The following RUNDC3B variants were observed in gnomAD, a reference collection of about 807,000 sequenced individuals.
RUNDC3B encodes the protein RUN domain-containing protein 3B.
A neutral mutation model predicts 58.4 loss-of-function variants in RUNDC3B; 33 were observed. The observed-to-expected ratio is 0.56, with a 90% CI of 0.43 to 0.75. The LOEUF (loss-of-function observed/expected upper bound fraction) is 0.75. RUNDC3B is among the 30% of genes least tolerant of loss of function. The pLI, the probability that RUNDC3B is intolerant of heterozygous loss-of-function variation, is 0.00. For missense variants in RUNDC3B, 501 were observed against 535.7 expected (o/e 0.94, Z 0.64); for synonymous variants, 193 against 195.2 (o/e 0.99, Z 0.10).
chr7:87,747,538 A>G (rs745341804), intron 6 of RUNDC3B, among the ~76,000 whole-genome samples: 1 of 152,122 alleles, frequency 6.6e-6, no homozygotes, highest in African/African-American at 2.4e-5. Context: ...GCGGGACCCT[A>G]GAACTCCCAA....
intron 2 of RUNDC3B, 26 bp downstream of exon 2, chr7:87,650,963 T>C (rs1823513061): frequency 7.6e-7 from 1 of 1,308,998 alleles, no homozygotes. Flanking sequence ...TACTATTTAT[T>C]TTCCCACCAG....
intron 8 of RUNDC3B, among the ~76,000 whole-genome samples, chr7:87,787,238 A>T (rs1278820944): frequency 1.3e-5 from 2 of 152,176 alleles, no homozygotes; most frequent in Non-Finnish European, 2.9e-5. Flanking sequence ...AATATGTTTT[A>T]TCCTTATCTT....
At chr7:87,745,337 G>A (rs1832587468) in intron 6 of RUNDC3B, among the ~76,000 whole-genome samples, 1 of 152,154 alleles carries the variant, frequency 6.6e-6, no homozygotes, top group South Asian at 2.1e-4. Context: ...TTCATAGAAT[G>A]TATTAGGGAA....
intron 2 of RUNDC3B, among the ~76,000 whole-genome samples, chr7:87,658,571 T>G (rs1328294460): frequency 6.6e-6 from 1 of 151,984 alleles, no homozygotes; most frequent in Non-Finnish European, 1.5e-5. Context: ...TCAAATAAAT[T>G]CATGCCAAAG....
intron 2 of RUNDC3B, among the ~76,000 whole-genome samples, chr7:87,674,450 A>C (rs988505312): frequency 6.6e-6 from 1 of 152,022 alleles, no homozygotes; most frequent in South Asian, 2.1e-4. Flanking sequence ...GAATAATGGC[A>C]GGGTACACTC....
intron 10 of RUNDC3B, among the ~76,000 whole-genome samples, chr7:87,822,243 T>G (rs1476314398): frequency 6.6e-6 from 1 of 152,136 alleles, no homozygotes; most frequent in Non-Finnish European, 1.5e-5. Flanking sequence ...GAACAGACAC[T>G]TCTCAAAAGA....
chr7:87,784,769 G>T (rs1439121221), intron 8 of RUNDC3B, among the ~76,000 whole-genome samples: 1 of 145,486 alleles, frequency 6.9e-6, no homozygotes, highest in Non-Finnish European at 1.5e-5. Context: ...ATGTTGTTGG[G>T]GGGTAGAAGA....
At chr7:87,676,139 G>A (rs1445006671) in intron 2 of RUNDC3B, among the ~76,000 whole-genome samples, 3 of 151,952 alleles carry the variant, frequency 2.0e-5, no homozygotes, top group African/African-American at 2.4e-5. Context: ...AGGCAGGAGG[G>A]TTGGTTGAAC....
intron 8 of RUNDC3B, among the ~76,000 whole-genome samples, chr7:87,789,904 C>G (rs1835431078): frequency 6.6e-6 from 1 of 152,158 alleles, no homozygotes; most frequent in African/African-American, 2.4e-5. Flanking sequence ...TGACTGCCAC[C>G]CTTGGCCCCT....
At chr7:87,829,230 G>A (rs1217773098) in intron 10 of RUNDC3B, among the ~76,000 whole-genome samples, 1 of 152,086 alleles carries the variant, frequency 6.6e-6, no homozygotes, top group African/African-American at 2.4e-5. Context: ...GTTGGATGCA[G>A]AGTTTACAAA....
intron 4 of RUNDC3B, among the ~76,000 whole-genome samples, chr7:87,725,425 C>A (rs893418680): frequency 1.2e-4 from 18 of 152,230 alleles, no homozygotes; most frequent in African/African-American, 4.3e-4. Flanking sequence ...TGAACTCATC[C>A]TTTTTTGTGG....
At chr7:87,739,994 G>A in intron 5 of RUNDC3B, 114 bp downstream of exon 5, 1 of 464,386 alleles carries the variant, frequency 2.2e-6, no homozygotes, top group Non-Finnish European at 3.8e-6. Flanking sequence ...ATTGTTATTT[G>A]ATTCATGTTG....
chr7:87,634,014 A>G (rs1023597965), intron 1 of RUNDC3B, among the ~76,000 whole-genome samples: 1 of 152,056 alleles, frequency 6.6e-6, no homozygotes, highest in African/African-American at 2.4e-5. Flanking sequence ...CATGGTGGAG[A>G]GAGTCAAAGG....
chr7:87,777,662 C>T (rs1834707987), intron 7 of RUNDC3B, 136 bp from the exon 8 acceptor site: 1 of 599,454 alleles, frequency 1.7e-6, no homozygotes, highest in Non-Finnish European at 2.8e-6. Context: ...AAATTTTTTA[C>T]TAATTTATCA....
rs772224503 is a variant in RUNDC3B, at chr7:87,759,633, C to CA, written c.630-10940dup. ...GTAATATAGTGAGACTCTGTGACTA[C>CA]AAAAAAAATTAAAAATTAGCCAGAT... is the stretch of plus-strand genomic sequence containing the variant. On this transcript the variant is annotated intron_variant, in intron 6 of 10. Transcript: ENST00000394654. Among the ~76,000 whole-genome samples the CA allele has an allele frequency of 5.8e-4, 88 of 151,288 alleles. No individual in the cohort carries two copies. In the East Asian group the frequency reaches 6.8e-3, roughly 12 times the overall value.
At chr7:87,674,372 G>C (rs1826119119) in intron 2 of RUNDC3B, among the ~76,000 whole-genome samples, 1 of 152,118 alleles carries the variant, frequency 6.6e-6, no homozygotes, top group Non-Finnish European at 1.5e-5. Context: ...GCAGGGGTGT[G>C]GTTGCTGGTA....
chr7:87,830,011 C>T lies in RUNDC3B; in HGVS notation c.1352C>T (p.Pro451Leu), dbSNP rs778631065. 1 of 1,597,394 alleles carries T rather than the reference C, an allele frequency of 6.3e-7. No individual in the cohort carries two copies. Residue 451 changes from proline (P) to leucine (L), a missense_variant, in exon 11 of 11, where the codon CCA becomes CTA. Pro to Leu is a moderately conservative substitution (Grantham distance 98). Transcript: ENST00000394654. ...LASPTTEMTS[P>L]GLTPS ...AGTCCTACAACAGAGATGACAAGTC[C>T]AGGCCTAACTCCATCCTGAAAATTT...
intron 2 of RUNDC3B, among the ~76,000 whole-genome samples, chr7:87,666,270 G>A (rs1825238365): frequency 6.6e-6 from 1 of 151,966 alleles, no homozygotes; most frequent in Non-Finnish European, 1.5e-5. Flanking sequence ...ATATGCTTGT[G>A]GGCCGTGTGT....
chr7:87,728,862 A>G (rs796636042), intron 4 of RUNDC3B, among the ~76,000 whole-genome samples: 3 of 152,138 alleles, frequency 2.0e-5, no homozygotes, highest in Non-Finnish European at 4.4e-5. Context: ...AGATTTTCGC[A>G]TATCTCCAGA....
Sources: gnomAD v4.1 joint callset for allele counts (sites outside exome capture counted in the v4.1 genomes callset) on GRCh38, gnomAD v4.1.1 for gene constraint, MANE v1.5 for transcripts, NCBI Gene and HGNC (gene_info 2026-07-23, HGNC 2026-07-21) for gene names.